TIMM23B: variants seen among roughly 807,000 people sequenced by gnomAD.
TIMM23B encodes mitochondrial import inner membrane translocase subunit Tim23B.
In TIMM23B, 27 loss-of-function variants were observed where a neutral mutation model predicts 27.3. The observed-to-expected ratio is 0.99, with a 90% CI of 0.73 to 1.36. The LOEUF is 1.36. Ranked by LOEUF, TIMM23B falls within the 40% of genes most tolerant of loss-of-function variation. The pLI, the probability that TIMM23B is intolerant of heterozygous loss-of-function variation, is 0.00. For missense variants in TIMM23B, 205 were observed against 244.2 expected (o/e 0.84, Z 1.07); for synonymous variants, 73 against 92.4 (o/e 0.79, Z 1.21).
intron 2 of TIMM23B, among the ~76,000 whole-genome samples, chr10:49,945,372 TTTTGTTTG>T (rs1248015499): frequency 1.7e-4 from 26 of 152,220 alleles, no homozygotes; most frequent in African/African-American, 6.0e-4. Context: ...TGTGGGGTTT[TTTTGTTTG>T]TTTGTTTGTT....
chr10:49,963,479 G>C (rs1189641641), intron 6 of TIMM23B, among the ~76,000 whole-genome samples: 1 of 152,128 alleles, frequency 6.6e-6, no homozygotes, highest in African/African-American at 2.4e-5. Context: ...GAGATGACAT[G>C]AGATGAAATG....
At chr10:49,965,207 G>A (rs1589046554) in intron 6 of TIMM23B, among the ~76,000 whole-genome samples, 1 of 151,748 alleles carries the variant, frequency 6.6e-6, no homozygotes, top group Non-Finnish European at 1.5e-5. Flanking sequence ...GCAATAGAAC[G>A]AGTCTCCATC....
intron 6 of TIMM23B, among the ~76,000 whole-genome samples, chr10:49,969,766 C>T (rs1450695279): frequency 1.3e-5 from 2 of 151,678 alleles, no homozygotes; most frequent in African/African-American, 4.8e-5. Flanking sequence ...CACTCTCCCT[C>T]TCCCCACGGT....
chr10:49,959,010 A>G (rs1383569697), intron 6 of TIMM23B, among the ~76,000 whole-genome samples: 73 of 152,300 alleles, frequency 4.8e-4, no homozygotes, highest in African/African-American at 1.7e-3. Context: ...TTCTTTTATC[A>G]AGGAATATTT....
intron 6 of TIMM23B, among the ~76,000 whole-genome samples, chr10:49,965,932 CGAAAT>C (rs200222271): frequency 0.08 from 10,643 of 133,298 alleles, 637 homozygotes; most frequent in African/African-American, 0.14. Flanking sequence ...GGAAATGAAA[CGAAAT>C]GAAATGAAAT....
Position 49,952,209 on chromosome 10 carries a change from T to C in TIMM23B, c.249T>C (p.Cys83=). ...TGGCCTTCTTTACGATTGGAGGGTGTTGCATGACAGGTGAGTGTTACATAC... is the reference window on the plus strand; with the variant it reads ...TGGCCTTCTTTACGATTGGAGGGTGCTGCATGACAGGTGAGTGTTACATAC... ...FELAFFTIGG[C]CMTGAAFGAM... is the part of the protein sequence containing the mutation. Residue 83 remains cysteine, a synonymous_variant, in exon 3 of 7, where the codon TGT becomes TGC. Transcript: ENST00000651259. 1.2e-6 allele frequency: 2 copies of C among 1,606,042 alleles called. No individual in the cohort carries two copies. Among genetic ancestry groups the C allele is most frequent in the Non-Finnish European group, 1.7e-6 (2 of 1,172,624 alleles).
At chr10:49,962,722 C>G (rs1475215914) in intron 6 of TIMM23B, among the ~76,000 whole-genome samples, 1 of 152,110 alleles carries the variant, frequency 6.6e-6, no homozygotes, top group Non-Finnish European at 1.5e-5. Context: ...TTGAGGCCTT[C>G]TCTTAAACAC....
intron 5 of TIMM23B, among the ~76,000 whole-genome samples, chr10:49,956,264 A>G (rs1456751980): frequency 6.6e-6 from 1 of 152,016 alleles, no homozygotes; most frequent in African/African-American, 2.4e-5. Context: ...TAATTTTGAG[A>G]AAGAGTTTAA....
intron 6 of TIMM23B, among the ~76,000 whole-genome samples, chr10:49,959,955 G>T (rs1194349001): frequency 9.3e-5 from 14 of 151,116 alleles, no homozygotes; most frequent in African/African-American, 3.4e-4. Context: ...CACCATATTG[G>T]TCAGGCTGGT....
chr10:49,969,149 C>G (rs1412099979), intron 6 of TIMM23B, among the ~76,000 whole-genome samples: 1 of 152,144 alleles, frequency 6.6e-6, no homozygotes, highest in African/African-American at 2.4e-5. Context: ...GTGTTCATAA[C>G]AGCATATTAT....
chr10:49,950,072 A>G, intron 2 of TIMM23B, among the ~76,000 whole-genome samples: 1 of 152,242 alleles, frequency 6.6e-6, no homozygotes, highest in African/African-American at 2.4e-5. Context: ...ACTTTTTTTT[A>G]AATTGTGTCA....
At chr10:49,943,849 G>T (rs1397726843) in intron 1 of TIMM23B, among the ~76,000 whole-genome samples, 1 of 149,940 alleles carries the variant, frequency 6.7e-6, no homozygotes, top group Non-Finnish European at 1.5e-5. Flanking sequence ...AGTGATAAGT[G>T]CTGTAAAGGG....
At chr10:49,967,364 T>C (rs1840209386) in intron 6 of TIMM23B, among the ~76,000 whole-genome samples, 1 of 152,260 alleles carries the variant, frequency 6.6e-6, no homozygotes, top group East Asian at 1.9e-4. Flanking sequence ...AATCCATGAA[T>C]CTGGACGTTG....
At chr10:49,965,670 A>G (rs1404119478) in intron 6 of TIMM23B, among the ~76,000 whole-genome samples, 4 of 150,134 alleles carry the variant, frequency 2.7e-5, no homozygotes, top group African/African-American at 4.9e-5. Flanking sequence ...AAATGAAACA[A>G]ATGAAATGAA....
In TIMM23B at chr10:49,959,230, G is replaced by A. The variant is rs1455964086; in HGVS notation, c.514+750G>A. Among the ~76,000 whole-genome samples, 13 of 151,950 alleles carry A rather than the reference G, an allele frequency of 8.6e-5. No individual in the cohort carries two copies. The East Asian group carries it at 2.5e-3, about 29-fold the overall frequency. On this transcript the variant is annotated intron_variant, in intron 6 of 6. Coordinates refer to ENST00000651259, the MANE Select transcript of TIMM23B (RefSeq NM_001290117.2). ...TTTTAGTTTAGTTTTTTTAATCTTG[G>A]ACAGACTAAGCAATAGAATATTCAG...
intron 5 of TIMM23B, among the ~76,000 whole-genome samples, chr10:49,957,416 T>G (rs1839761439): frequency 6.6e-6 from 1 of 152,010 alleles, no homozygotes; most frequent in African/African-American, 2.4e-5. Flanking sequence ...TGCCAACTAA[T>G]TTTTTTAAAA....
chr10:49,942,822 A>G (rs1839190929), intron 1 of TIMM23B, among the ~76,000 whole-genome samples: 1 of 152,236 alleles, frequency 6.6e-6, no homozygotes, highest in Non-Finnish European at 1.5e-5. Context: ...AAGGTGATAT[A>G]TAGACATGAA....
chr10:49,967,083 C>G (rs1303321577), intron 6 of TIMM23B, among the ~76,000 whole-genome samples: 1 of 152,128 alleles, frequency 6.6e-6, no homozygotes. Context: ...CCATGCCTGG[C>G]TAATTTTTTT....
intron 1 of TIMM23B, among the ~76,000 whole-genome samples, chr10:49,944,755 A>C (rs1251786543): frequency 6.6e-6 from 1 of 152,230 alleles, no homozygotes; most frequent in Non-Finnish European, 1.5e-5. Flanking sequence ...CCTGGACTAC[A>C]CTTCCTGTAA....
Sources: gnomAD v4.1 joint callset for allele counts (sites outside exome capture counted in the v4.1 genomes callset) on GRCh38, gnomAD v4.1.1 for gene constraint, MANE v1.5 for transcripts, NCBI Gene and HGNC (gene_info 2026-07-23, HGNC 2026-07-21) for gene names.